The following HMGA2 variants were observed in gnomAD, a reference collection of about 807,000 sequenced individuals.
HMGA2 encodes high mobility group protein HMGI-C.
In HMGA2, 8 loss-of-function variants were observed where a neutral mutation model predicts 19.1. The observed-to-expected ratio is 0.42, with a 90% CI of 0.25 to 0.76. The LOEUF (loss-of-function observed/expected upper bound fraction) is 0.76. Ranked by LOEUF, HMGA2 falls within the 30% of genes least tolerant of loss-of-function variation. The probability of loss-of-function intolerance (pLI) is 0.28; values close to 1 mark genes in which losing one functional copy is unlikely to be tolerated. For missense variants in HMGA2, 109 were observed against 136.3 expected (o/e 0.80, Z 1.00); for synonymous variants, 60 against 48.8 (o/e 1.23, Z -0.96).
At chr12:65,852,756 C>T (rs1017913291) in intron 3 of HMGA2, among the ~76,000 whole-genome samples, 2 of 152,040 alleles carry the variant, frequency 1.3e-5, no homozygotes, top group African/African-American at 4.8e-5. Context: ...GTATTGGGTT[C>T]ATGTGCAGAA....
chr12:65,901,232 A>C (rs188937092), intron 3 of HMGA2, among the ~76,000 whole-genome samples: 1 of 152,254 alleles, frequency 6.6e-6, no homozygotes, highest in South Asian at 2.1e-4. Flanking sequence ...AATGCAGGTT[A>C]AACAATAATT....
chr12:65,847,215 T>C (rs1287672103), intron 3 of HMGA2, among the ~76,000 whole-genome samples: 1 of 152,120 alleles, frequency 6.6e-6, no homozygotes, highest in Non-Finnish European at 1.5e-5. Context: ...ACAGATTTGA[T>C]TTATCAAAGT....
chr12:65,835,352 C>A (rs1454734542), intron 2 of HMGA2, among the ~76,000 whole-genome samples: 1 of 152,094 alleles, frequency 6.6e-6, no homozygotes, highest in African/African-American at 2.4e-5. Context: ...TGTTTTGCAG[C>A]CTTTGTGGAG....
chr12:65,913,666 C>A (rs1471031512), intron 3 of HMGA2, among the ~76,000 whole-genome samples: 2 of 152,112 alleles, frequency 1.3e-5, no homozygotes, highest in Admixed American at 1.3e-4. Flanking sequence ...TGTAGTTAGA[C>A]CTAGGTTTGA....
intron 2 of HMGA2, among the ~76,000 whole-genome samples, chr12:65,836,150 G>A (rs1337327821): frequency 6.6e-6 from 1 of 152,052 alleles, no homozygotes; most frequent in African/African-American, 2.4e-5. Context: ...ACGAGGTCAG[G>A]AGATCGAGAC....
intron 3 of HMGA2, among the ~76,000 whole-genome samples, chr12:65,884,471 C>A (rs1166993765): frequency 6.6e-6 from 1 of 152,160 alleles, no homozygotes; most frequent in Admixed American, 6.5e-5. Flanking sequence ...TGTGCCTGGT[C>A]AATTGATAAT....
At chr12:65,923,487 G>A (rs1448426594) in intron 3 of HMGA2, among the ~76,000 whole-genome samples, 1 of 152,176 alleles carries the variant, frequency 6.6e-6, no homozygotes, top group Non-Finnish European at 1.5e-5. Context: ...GGACTAAGCT[G>A]GTACAGTAGT....
intron 3 of HMGA2, among the ~76,000 whole-genome samples, chr12:65,848,781 G>T (rs1871333831): frequency 6.6e-6 from 1 of 152,110 alleles, no homozygotes; most frequent in Non-Finnish European, 1.5e-5. Flanking sequence ...GCGTGAACCC[G>T]GGAGGCGGAG....
At chr12:65,911,964 C>G (rs1306932515) in intron 3 of HMGA2, among the ~76,000 whole-genome samples, 1 of 151,406 alleles carries the variant, frequency 6.6e-6, no homozygotes, top group Non-Finnish European at 1.5e-5. Context: ...TACTAAAAGT[C>G]TACTCTCTAT....
At chr12:65,959,959 G>A (rs575879374) in intron 4 of HMGA2, among the ~76,000 whole-genome samples, 100 of 151,866 alleles carry the variant, frequency 6.6e-4, no homozygotes, top group African/African-American at 2.2e-3. Context: ...GCACCATCTC[G>A]GCTCACTGCA....
intron 3 of HMGA2, chr12:65,881,517 C>CA (rs1873385887): frequency 3.5e-6 from 2 of 576,394 alleles, no homozygotes; most frequent in Admixed American, 6.0e-5. Flanking sequence ...CAAAACAAAA[C>CA]AAAAAACCAC....
intron 3 of HMGA2, among the ~76,000 whole-genome samples, chr12:65,848,608 G>A (rs1437840250): frequency 6.6e-6 from 1 of 152,162 alleles, no homozygotes; most frequent in African/African-American, 2.4e-5. Context: ...TGTAATCCCA[G>A]CACTTTGGGA....
intron 3 of HMGA2, among the ~76,000 whole-genome samples, chr12:65,845,567 C>T (rs1871200857): frequency 6.8e-6 from 1 of 147,520 alleles, no homozygotes; most frequent in Non-Finnish European, 1.5e-5. Flanking sequence ...CCACTCACGG[C>T]CTTTAAGATT....
chr12:65,854,511 G>T (rs1232185024), intron 3 of HMGA2, among the ~76,000 whole-genome samples: 1 of 152,214 alleles, frequency 6.6e-6, no homozygotes, highest in African/African-American at 2.4e-5. Context: ...GTGTGTGTAT[G>T]TGTGAGCATC....
Position 65,964,658 on chromosome 12 carries a change from T to C in HMGA2, c.*1366T>C, listed in dbSNP as rs1042726. ...GGTAGGTGATTCTAATCATCTGCAG[T>C]TCTTTTTGTACACTTAATTACAGTT... On this transcript the variant is annotated 3_prime_UTR_variant, in exon 5 of 5. Transcript: ENST00000403681. 1 of 209,314 alleles carries C rather than the reference T, an allele frequency of 4.8e-6. No homozygotes were observed. The highest frequency in any genetic ancestry group is 1.9e-4 in the South Asian group (1 of 5,268). 13.0% of individuals were successfully genotyped at this position (209,314 alleles called of 1,614,324 possible). A position where few individuals can be genotyped will look rare whatever the true frequency, so the allele number is the denominator to read the frequency against.
intron 3 of HMGA2, among the ~76,000 whole-genome samples, chr12:65,871,399 C>A (rs956548988): frequency 4.6e-5 from 7 of 152,160 alleles, no homozygotes; most frequent in Non-Finnish European, 8.8e-5. Flanking sequence ...AGGTTGCTGA[C>A]TCCTGCTCTA....
intron 3 of HMGA2, among the ~76,000 whole-genome samples, chr12:65,899,205 C>T (rs771983933): frequency 5.3e-5 from 8 of 152,200 alleles, no homozygotes; most frequent in Middle Eastern, 6.8e-3. Context: ...CTCGTGCTTC[C>T]GAACAGATGA....
chr12:65,888,809 C>T (rs1446714857), intron 3 of HMGA2, among the ~76,000 whole-genome samples: 10 of 149,894 alleles, frequency 6.7e-5, no homozygotes, highest in South Asian at 2.1e-4. Context: ...GTGATCCGCC[C>T]GCCTCGGCCT....
chr12:65,896,975 G>A (rs975597545), intron 3 of HMGA2, among the ~76,000 whole-genome samples: 1 of 152,214 alleles, frequency 6.6e-6, no homozygotes, highest in Non-Finnish European at 1.5e-5. Flanking sequence ...CGTCACTGTT[G>A]TTGTATCCTA....
Sources: allele counts gnomAD v4.1 joint callset (sites outside exome capture counted in the v4.1 genomes callset), GRCh38; gene constraint gnomAD v4.1.1; transcripts MANE v1.5; gene names NCBI Gene and HGNC (gene_info 2026-07-23, HGNC 2026-07-21).